Variants in SHF observed in about 807,000 individuals in gnomAD.
The protein encoded by SHF is Src homology 2 domain containing F, also known as SH2 domain-containing adapter protein F.
Under a neutral mutation model 42.4 loss-of-function variants are expected in SHF, and 30 were observed. That is an observed-to-expected ratio of 0.71 (90% confidence interval 0.53 to 0.96). The LOEUF is 0.96. SHF is among the 40% of genes least tolerant of loss of function. The pLI, the probability that SHF is intolerant of heterozygous loss-of-function variation, is 0.00. For missense variants in SHF, 598 were observed against 634.0 expected, an observed-to-expected ratio of 0.94 and a Z score of 0.61; for synonymous variants, 264 against 269.9, an observed-to-expected ratio of 0.98 and a Z score of 0.21.
At chr15:45,184,679 T>C (rs932341163) in intron 1 of SHF, among the ~76,000 whole-genome samples, 1 of 152,212 alleles carries the variant, frequency 6.6e-6, no homozygotes, top group Non-Finnish European at 1.5e-5. Context: ...CTTCCCTAAT[T>C]ACACCAGGTT....
At chr15:45,177,450 C>T (rs189579694) in intron 2 of SHF, among the ~76,000 whole-genome samples, 1 of 152,158 alleles carries the variant, frequency 6.6e-6, no homozygotes, top group Non-Finnish European at 1.5e-5. Flanking sequence ...CATCCTGTTC[C>T]TCTCTTGCTC....
At chr15:45,189,436 T>G (rs1898640945), upstream of SHF, among the ~76,000 whole-genome samples, 1 of 132,470 alleles carries the variant, frequency 7.5e-6, no homozygotes, top group Admixed American at 8.7e-5. Flanking sequence ...ACTCCGTCGC[T>G]GGAGTACAGT....
At chr15:45,175,126 C>T in intron 3 of SHF, 93 bp downstream of exon 3, 1 of 1,378,074 alleles carries the variant, frequency 7.3e-7, no homozygotes, top group Non-Finnish European at 9.8e-7. Flanking sequence ...TCCTGGGCCT[C>T]TCTGGGTTCC....
rs541664130 is a variant in SHF, at chr15:45,196,771, C to G, written c.303+2001G>C. Among the ~76,000 whole-genome samples, 6 of 151,928 alleles carry G rather than the reference C, an allele frequency of 3.9e-5. No individual in the cohort carries two copies. In the South Asian group the frequency reaches 1.3e-3, roughly 32 times the overall value. On this transcript the variant is annotated intron_variant, in intron 2 of 7. Coordinates refer to the SHF transcript ENST00000290894. ...AAAATTAGCCGGGCTTGGTGGCGGG[C>G]GCCTGTAGCCCCAGCTACTCGGGAG...
At chr15:45,189,955 G>C (rs939678173), upstream of SHF, among the ~76,000 whole-genome samples, 22 of 152,192 alleles carry the variant, frequency 1.4e-4, no homozygotes, top group Non-Finnish European at 7.3e-5. Flanking sequence ...AGCTATGATT[G>C]TGCCACTGGT....
rs745540814 is a variant in SHF, at chr15:45,175,261, G to T, written c.805C>A (p.Pro269Thr). The change falls in exon 3 of 7, where the codon CCC becomes ACC. Residue 269 changes from proline (P) to threonine (T), a missense_variant. Transcript: ENST00000690270. ...DERPPEEYDQ[P>T]WEWKKERISK... ...ATCCGCTCCTTCTTCCACTCCCAGG[G>T]CTGGTCATACTCCTCAGGGGGCCTC... The T allele has an allele frequency of 1.5e-5, 24 of 1,612,052 alleles. No homozygotes were observed. Among genetic ancestry groups the T allele is most frequent in the Non-Finnish European group, 2.0e-5 (24 of 1,179,318 alleles).
Position 45,187,697 on chromosome 15 carries a change from C to T in SHF, c.255G>A (p.Ala85=), listed in dbSNP as rs1595639179. The T allele has an allele frequency of 1.7e-6, 2 of 1,202,590 alleles. No individual in the cohort carries two copies. Among genetic ancestry groups the T allele is most frequent in the Non-Finnish European group, 2.1e-6 (2 of 964,270 alleles). 74.5% of individuals were successfully genotyped at this position (1,202,590 alleles called of 1,614,324 possible). A position where few individuals can be genotyped will look rare whatever the true frequency, so the allele number is the denominator to read the frequency against. ...GGATGTCCGGGGGCGGCGCGGGGGGCGCGGCCGGAGAGGGCGCAGGGGGGC... is the reference window on the plus strand; with the variant it reads ...GGATGTCCGGGGGCGGCGCGGGGGGTGCGGCCGGAGAGGGCGCAGGGGGGC... ...DYRPPAPSPA[A]PPAPPPDILA... is the part of the protein sequence containing the mutation. The change falls in exon 1 of 7, where the codon GCG becomes GCA. Residue 85 remains alanine, a synonymous_variant. Coordinates refer to ENST00000690270, the MANE Select transcript of SHF (RefSeq NM_001394037.1).
Position 45,198,917 on chromosome 15 carries a change from A to ACTCCC in SHF, c.157_158insGGGAG (p.Leu53ArgfsTer3), listed in dbSNP as rs767619839. 1.2e-5 allele frequency: 20 copies of ACTCCC among 1,613,536 alleles called. No individual in the cohort carries two copies. Among genetic ancestry groups the ACTCCC allele is most frequent in the African/African-American group, 4.0e-5 (3 of 75,048 alleles). Reference sequence around the variant, plus strand: ...CTCCCGGTGAGCGCAGTGGGAGTTTAGGGGAGACGGCGTGAGCATCCAGGA... The same window carrying ACTCCC: ...CTCCCGGTGAGCGCAGTGGGAGTTTACTCCCGGGGAGACGGCGTGAGCATCCAGGA... On this transcript the variant is annotated frameshift_variant, in exon 2 of 8. Transcript: ENST00000290894. LOFTEE classifies it high-confidence loss of function.
upstream of SHF, among the ~76,000 whole-genome samples, chr15:45,191,862 G>T (rs1424564912): frequency 3.3e-5 from 5 of 151,502 alleles, no homozygotes; most frequent in Non-Finnish European, 5.9e-5. Flanking sequence ...GCCGAGGTGG[G>T]CGGATCACTT....
intron 6 of SHF, chr15:45,170,230 G>T: frequency 1.7e-6 from 1 of 592,158 alleles, no homozygotes; most frequent in Non-Finnish European, 2.5e-6. Flanking sequence ...CTGGTTTGGG[G>T]ACTTTATTAC....
intron 3 of SHF, chr15:45,174,430 G>A (rs1356267605): frequency 6.5e-6 from 1 of 152,732 alleles, no homozygotes; most frequent in Non-Finnish European, 1.5e-5. Flanking sequence ...AGAATCCTGT[G>A]GTTTTCCAGT....
At chr15:45,196,136 C>T (rs1449897685) in intron 2 of SHF, among the ~76,000 whole-genome samples, 2 of 131,584 alleles carry the variant, frequency 1.5e-5, no homozygotes, top group African/African-American at 5.7e-5. Context: ...CTGGCTCTGT[C>T]ACCTAGGCTG....
At chr15:45,176,858 A>G (rs1476405476) in intron 2 of SHF, among the ~76,000 whole-genome samples, 1 of 152,168 alleles carries the variant, frequency 6.6e-6, no homozygotes, top group Non-Finnish European at 1.5e-5. Flanking sequence ...TGGGGTAGTC[A>G]GCTTCTCACT....
chr15:45,193,936 CA>C (rs776163657), intron 2 of SHF, among the ~76,000 whole-genome samples: 3,120 of 124,880 alleles, frequency 0.025, 57 homozygotes, highest in South Asian at 0.067. Flanking sequence ...CCTTCTGTAC[CA>C]AAAAAAAAAA....
chr15:45,190,663 C>T (rs1341655569), upstream of SHF, among the ~76,000 whole-genome samples: 1 of 152,004 alleles, frequency 6.6e-6, no homozygotes, highest in African/African-American at 2.4e-5. Context: ...AGGATTTGGA[C>T]AGATGAAGCA....
chr15:45,186,916 C>G (rs943510951), intron 1 of SHF, among the ~76,000 whole-genome samples: 1 of 152,256 alleles, frequency 6.6e-6, no homozygotes, highest in African/African-American at 2.4e-5. Context: ...AGAAACCCGT[C>G]TTCACCTCCT....
At position 45,171,929 on chromosome 15, in the gene SHF, C is replaced by A; in HGVS notation, c.1234G>T (p.Val412Leu). Residue 412 changes from valine (V) to leucine (L), a missense_variant, in exon 6 of 7, where the codon GTG becomes TTG. Physicochemically the swap from Val to Leu is conservative, Grantham distance 32. Transcript: ENST00000690270. ...LRLCKEASYL[V>L]RNSETSKNDF... ...TTCTTGCTGGTCTCACTGTTGCGCA[C>A]CAGGTAGCTGGCCTCTTTGCACAGC... 2.5e-6 allele frequency: 4 copies of A among 1,613,866 alleles called. No individual in the cohort carries two copies. Among genetic ancestry groups the A allele is most frequent in the Non-Finnish European group, 3.4e-6 (4 of 1,179,874 alleles).
chr15:45,187,696 G>T lies in SHF; in HGVS notation c.256C>A (p.Pro86Thr), dbSNP rs1248112089. The T allele has an allele frequency of 2.5e-6, 3 of 1,207,572 alleles. No homozygotes were observed. The highest frequency in any genetic ancestry group is 4.2e-5 in the South Asian group (1 of 23,940). 74.8% of individuals were successfully genotyped at this position (1,207,572 alleles called of 1,614,324 possible). Residue 86 changes from proline (P) to threonine (T), a missense_variant, in exon 1 of 7, where the codon CCC (proline) becomes ACC (threonine). Around this residue, in one of 2 missense-constraint regions of SHF, gnomAD observed 159 missense variants for 109.3 expected, o/e 1.45. Transcript: ENST00000690270. ...AGGATGTCCGGGGGCGGCGCGGGGG[G>T]CGCGGCCGGAGAGGGCGCAGGGGGG... ...YRPPAPSPAA[P>T]PAPPPDILAA...
Position 45,200,421 on chromosome 15 carries a change from C to T in SHF, c.-47+306G>A, listed in dbSNP as rs944793055. On this transcript the variant is annotated intron_variant, in intron 1 of 7. Transcript: ENST00000290894. ...TGCCATTGTCCTCACAATGCCGTGACTCGGATTCGAACCGAGGTTGCTGCG... is the reference window on the plus strand; with the variant it reads ...TGCCATTGTCCTCACAATGCCGTGATTCGGATTCGAACCGAGGTTGCTGCG... 18 of 232,428 alleles carry T rather than the reference C, an allele frequency of 7.7e-5. 1 individual carries two copies. The highest frequency in any genetic ancestry group is 2.0e-4 in the African/African-American group (9 of 45,238). 14.4% of individuals were successfully genotyped at this position (232,428 alleles called of 1,614,324 possible).
Sources: gnomAD v4.1 joint callset for allele counts (sites outside exome capture counted in the v4.1 genomes callset) on GRCh38, gnomAD v4.1.1 for gene constraint, gnomAD v4.1.1 regional missense constraint, MANE v1.5 for transcripts, NCBI Gene and HGNC (gene_info 2026-07-23, HGNC 2026-07-21) for gene names.